PRH1: variants seen among roughly 807,000 people sequenced by gnomAD.
PRH1 encodes salivary acidic proline-rich phosphoprotein 1/2.
In PRH1, 7 loss-of-function variants were observed where a neutral mutation model predicts 7.9. The observed-to-expected ratio is 0.89, with a 90% CI of 0.50 to 1.67. The LOEUF (loss-of-function observed/expected upper bound fraction) is 1.67. PRH1 is among the 40% of genes most tolerant of loss of function. PRH1 has a pLI of 0.00. For missense variants in PRH1, 109 were observed against 223.6 expected (o/e 0.49, Z 3.27); for synonymous variants, 45 against 80.8 (o/e 0.56, Z 2.38).
At chr12:10,935,151 T>C (rs936666847) in intron 2 of PRH1, among the ~76,000 whole-genome samples, 11 of 152,134 alleles carry the variant, frequency 7.2e-5, no homozygotes, top group Non-Finnish European at 4.4e-5. Flanking sequence ...TATCAATTAA[T>C]TGTTTGCAAG....
intron 1 of PRH1, among the ~76,000 whole-genome samples, chr12:11,121,739 G>A (rs886602221): frequency 7.4e-6 from 1 of 135,552 alleles, no homozygotes; most frequent in African/African-American, 2.6e-5. Context: ...AAATTTAATT[G>A]TGTGCATCAT....
intron 1 of PRH1, among the ~76,000 whole-genome samples, chr12:11,125,884 T>A (rs1592062059): frequency 6.7e-6 from 1 of 149,454 alleles, no homozygotes; most frequent in African/African-American, 2.5e-5. Flanking sequence ...CTCTTCCTTT[T>A]TAAAATTAAT....
chr12:10,991,387 C>T (rs1435556031), intron 1 of PRH1, among the ~76,000 whole-genome samples: 3 of 151,952 alleles, frequency 2.0e-5, no homozygotes, highest in Non-Finnish European at 4.4e-5. Context: ...TAATGATAAT[C>T]CCCTGCCTAT....
At chr12:10,892,839 C>T (rs1275616827) in intron 2 of PRH1, among the ~76,000 whole-genome samples, 1 of 152,132 alleles carries the variant, frequency 6.6e-6, no homozygotes, top group African/African-American at 2.4e-5. Context: ...GAAGCCATCA[C>T]AGCTCATTAA....
intron 1 of PRH1, among the ~76,000 whole-genome samples, chr12:11,143,716 C>A (rs1401867283): frequency 6.6e-6 from 1 of 152,044 alleles, no homozygotes; most frequent in Non-Finnish European, 1.5e-5. Flanking sequence ...GATTTCAAGA[C>A]AAAAACTATG....
chr12:10,992,946 A>G (rs975233550), intron 1 of PRH1, among the ~76,000 whole-genome samples: 5 of 152,260 alleles, frequency 3.3e-5, no homozygotes, highest in Non-Finnish European at 7.3e-5. Context: ...CAAGAAAATG[A>G]GTAAAACATA....
At chr12:11,039,116 A>T (rs1422508030) in intron 1 of PRH1, among the ~76,000 whole-genome samples, 37 of 152,380 alleles carry the variant, frequency 2.4e-4, no homozygotes, top group African/African-American at 7.5e-4. Context: ...CTACAAGCTT[A>T]ATGTAGGTGT....
At chr12:10,917,026 T>C (rs1218711928) in intron 2 of PRH1, among the ~76,000 whole-genome samples, 2 of 152,174 alleles carry the variant, frequency 1.3e-5, no homozygotes, top group Admixed American at 6.5e-5. Context: ...CAGTGAGCCA[T>C]GCTTATGCCA....
At chr12:10,932,221 T>A (rs1331351110) in intron 2 of PRH1, 1 of 436,840 alleles carries the variant, frequency 2.3e-6, no homozygotes, top group East Asian at 7.1e-5. Flanking sequence ...CCTTGTCTTT[T>A]TCAGGAAGTG....
chr12:11,147,136 C>G (rs997303166), intron 1 of PRH1, among the ~76,000 whole-genome samples: 1 of 148,618 alleles, frequency 6.7e-6, no homozygotes, highest in Admixed American at 6.7e-5. Context: ...CTATATTAAT[C>G]TAGAAAGAAA....
chr12:11,050,571 G>T (rs1177746368), upstream of PRH1, among the ~76,000 whole-genome samples: 2 of 142,640 alleles, frequency 1.4e-5, no homozygotes, highest in Admixed American at 7.1e-5. Flanking sequence ...CCAGATTTGG[G>T]GGCCTGTGCC....
chr12:11,008,744 A>G (rs7133669), intron 1 of PRH1, among the ~76,000 whole-genome samples: 45,009 of 150,758 alleles, frequency 0.3, 8,184 homozygotes, highest in East Asian at 0.72. Context: ...GTTTAATTTT[A>G]TGAATTTACT....
chr12:10,960,299 G>C (rs1049764033), intron 2 of PRH1, among the ~76,000 whole-genome samples: 2 of 152,218 alleles, frequency 1.3e-5, no homozygotes, highest in African/African-American at 4.8e-5. Flanking sequence ...GGAAGCTTAA[G>C]TCCTCTTGAT....
chr12:11,036,534 G>C (rs916834654), intron 1 of PRH1, among the ~76,000 whole-genome samples: 1 of 152,100 alleles, frequency 6.6e-6, no homozygotes, highest in Non-Finnish European at 1.5e-5. Context: ...TGTGTTACTC[G>C]CTTTATCTTT....
chr12:11,134,143 C>T (rs372351741), intron 1 of PRH1: 21 of 1,613,978 alleles, frequency 1.3e-5, no homozygotes, highest in Middle Eastern at 1.6e-4. Context: ...TCTTGACCCA[C>T]TCAATGGAAT....
At chr12:10,997,097 A>G (rs1176850296) in intron 1 of PRH1, 2 of 1,613,986 alleles carry the variant, frequency 1.2e-6, no homozygotes, top group Admixed American at 1.7e-5. Flanking sequence ...AAGCATTAAG[A>G]CAATTTCTTT....
intron 1 of PRH1, among the ~76,000 whole-genome samples, chr12:10,995,419 TCA>T (rs749566193): frequency 6.6e-6 from 1 of 152,176 alleles, no homozygotes; most frequent in Non-Finnish European, 1.5e-5. Flanking sequence ...ATTAATACAG[TCA>T]CACAGAATTT....
intron 1 of PRH1, among the ~76,000 whole-genome samples, chr12:11,090,818 T>C (rs796753325): frequency 2.2e-5 from 2 of 92,512 alleles, no homozygotes; most frequent in African/African-American, 6.5e-5. Context: ...ATCCAATAAA[T>C]TTGAGGTTCA....
At position 11,089,459 on chromosome 12, in the gene PRH1, C is replaced by T. The variant is rs544279902; in HGVS notation, n.124-42271G>A. 2.3e-4 allele frequency among the ~76,000 whole-genome samples: 29 copies of T among 125,270 alleles called. 8 individuals carry two copies. Among genetic ancestry groups the T allele is most frequent in the Non-Finnish European group, 4.8e-4 (26 of 53,624 alleles). 82.2% of individuals were successfully genotyped at this position (125,270 alleles called of 152,430 possible). The stretch of plus-strand genomic sequence containing the variant: ...AAGCCAAGTACACGCATCTGATGAC[C>T]GTCATGCTGTCTCTCTCACCTCACT... On this transcript the variant is annotated intron_variant and non_coding_transcript_variant, in intron 1 of 4. Transcript: ENST00000541977.
Sources: gnomAD v4.1 joint callset for allele counts (sites outside exome capture counted in the v4.1 genomes callset) on GRCh38, gnomAD v4.1.1 for gene constraint, MANE v1.5 for transcripts, NCBI Gene and HGNC (gene_info 2026-07-23, HGNC 2026-07-21) for gene names.